GPM6A: variants seen among roughly 807,000 people sequenced by gnomAD.
The protein encoded by GPM6A is neuronal membrane glycoprotein M6-a.
In GPM6A, 7 loss-of-function variants were observed where a neutral mutation model predicts 32.1. The observed-to-expected ratio is 0.22, with a 90% CI of 0.12 to 0.41. The LOEUF is 0.41. Among genes scored for constraint, GPM6A ranks in the 10% least tolerant of loss-of-function variants. GPM6A has a pLI of 1.00. For synonymous variants in GPM6A, 130 were observed against 123.4 expected (o/e 1.05, Z -0.35); for missense variants, 235 against 347.2 (o/e 0.68, Z 2.57).
intron 1 of GPM6A, among the ~76,000 whole-genome samples, chr4:175,840,436 G>C (rs1735899209): frequency 6.6e-6 from 1 of 152,186 alleles, no homozygotes; most frequent in East Asian, 1.9e-4. Flanking sequence ...CCAGCACTTT[G>C]GGAGACCGAG....
intron 1 of GPM6A, among the ~76,000 whole-genome samples, chr4:175,901,449 G>T (rs1737963511): frequency 6.6e-6 from 1 of 151,352 alleles, no homozygotes; most frequent in Non-Finnish European, 1.5e-5. Flanking sequence ...ATTAAAAATA[G>T]AAAAATTAAA....
chr4:175,792,919 C>T (rs1432104021), intron 1 of GPM6A, among the ~76,000 whole-genome samples: 2 of 152,128 alleles, frequency 1.3e-5, no homozygotes, highest in Non-Finnish European at 2.9e-5. Flanking sequence ...TGACGCATGC[C>T]TGTAATCCCA....
chr4:175,818,601 C>A (rs534526004), intron 1 of GPM6A, among the ~76,000 whole-genome samples: 1 of 152,312 alleles, frequency 6.6e-6, no homozygotes, highest in South Asian at 2.1e-4. Context: ...TGCATGCATG[C>A]ATGCATGAAT....
chr4:175,913,380 G>A (rs1448406722), intron 1 of GPM6A, among the ~76,000 whole-genome samples: 1 of 152,180 alleles, frequency 6.6e-6, no homozygotes, highest in African/African-American at 2.4e-5. Context: ...ATACACATAA[G>A]GTCATGTACT....
At chr4:175,889,136 C>T (rs913068738) in intron 1 of GPM6A, among the ~76,000 whole-genome samples, 1 of 152,002 alleles carries the variant, frequency 6.6e-6, no homozygotes, top group Non-Finnish European at 1.5e-5. Context: ...AACACATACA[C>T]AAAATTAGAT....
intron 1 of GPM6A, among the ~76,000 whole-genome samples, chr4:175,798,235 C>A (rs1206946578): frequency 6.6e-6 from 1 of 152,204 alleles, no homozygotes; most frequent in Non-Finnish European, 1.5e-5. Flanking sequence ...TTATAACGAT[C>A]TAACCCATAA....
chr4:175,650,339 C>G (rs1741729540), intron 4 of GPM6A, among the ~76,000 whole-genome samples: 1 of 151,456 alleles, frequency 6.6e-6, no homozygotes, highest in Non-Finnish European at 1.5e-5. Context: ...GAGTCTCACT[C>G]TGTTGCCCAG....
chr4:175,778,085 G>A (rs145844650), intron 1 of GPM6A, among the ~76,000 whole-genome samples: 27 of 152,050 alleles, frequency 1.8e-4, no homozygotes, highest in East Asian at 1.2e-3. Context: ...TCCCAACTCC[G>A]ACTCTCTACA....
intron 6 of GPM6A, among the ~76,000 whole-genome samples, chr4:175,637,664 TAA>T (rs1560842622): frequency 0.023 from 12 of 532 alleles, no homozygotes; most frequent in East Asian, 0.083. Context: ...ATAAAATATA[TAA>T]TATATATAAT....
chr4:175,744,423 A>G (rs1234275720), intron 1 of GPM6A, among the ~76,000 whole-genome samples: 1 of 152,106 alleles, frequency 6.6e-6, no homozygotes, highest in African/African-American at 2.4e-5. Context: ...CTACAAGTCG[A>G]TGATCTAAGC....
intron 1 of GPM6A, chr4:175,891,772 G>C (rs1375823235): frequency 6.6e-6 from 1 of 152,178 alleles, no homozygotes; most frequent in Non-Finnish European, 1.5e-5. Flanking sequence ...GTAAAGTATT[G>C]AACCAAATTT....
At chr4:175,932,152 G>C (rs75262234) in intron 1 of GPM6A, among the ~76,000 whole-genome samples, 3,937 of 151,666 alleles carry the variant, frequency 0.026, 150 homozygotes, top group African/African-American at 0.087. Flanking sequence ...GGAATGATAA[G>C]TATGGAAGTA....
At position 175,903,870 on chromosome 4, in the gene GPM6A, G is replaced by A. The variant is rs149202619; in HGVS notation, c.-22-91621C>T. 1.5e-4 allele frequency among the ~76,000 whole-genome samples: 23 copies of A among 152,204 alleles called. No homozygotes were observed. The East Asian group carries it at 4.1e-3, about 27-fold the overall frequency. On this transcript the variant is annotated intron_variant, in intron 1 of 7. Coordinates refer to the GPM6A transcript ENST00000280187. ...AAAAATTGGGACAGCCAGCCAAAGC[G>A]AATATGGACCATGGATAACGTGATA...
At chr4:175,887,854 T>G (rs1474562070) in intron 1 of GPM6A, among the ~76,000 whole-genome samples, 1 of 151,900 alleles carries the variant, frequency 6.6e-6, no homozygotes, top group Non-Finnish European at 1.5e-5. Context: ...AGTTAAAAAT[T>G]TGCCCACTGA....
At chr4:175,810,679 C>T (rs1164803974) in intron 1 of GPM6A, among the ~76,000 whole-genome samples, 1 of 152,102 alleles carries the variant, frequency 6.6e-6, no homozygotes, top group Non-Finnish European at 1.5e-5. Context: ...ATTTAAAATG[C>T]TGTTTATCTT....
chr4:175,924,498 A>T (rs575026723), intron 1 of GPM6A, among the ~76,000 whole-genome samples: 1 of 152,234 alleles, frequency 6.6e-6, no homozygotes, highest in East Asian at 1.9e-4. Context: ...TGTATATGAA[A>T]TATATGAGGG....
chr4:175,922,764 ACT>A (rs1738709589), intron 1 of GPM6A, among the ~76,000 whole-genome samples: 1 of 152,026 alleles, frequency 6.6e-6, no homozygotes, highest in African/African-American at 2.4e-5. Flanking sequence ...ACATTATAAA[ACT>A]CTGACAAACT....
rs561970445 is a variant in GPM6A, at chr4:175,905,102, G to T, written c.-22-92853C>A. Among the ~76,000 whole-genome samples, 7 of 152,246 alleles carry T rather than the reference G, an allele frequency of 4.6e-5. No individual in the cohort carries two copies. In the South Asian group the frequency reaches 8.3e-4, roughly 18 times the overall value. On this transcript the variant is annotated intron_variant, in intron 1 of 7. Coordinates refer to the GPM6A transcript ENST00000280187. ...GGGATACACAGCATTTTAACATAGA[G>T]CAACAAACTGTGGAAGTGACAAGAT...
chr4:175,922,510 A>G (rs1738701220), intron 1 of GPM6A, among the ~76,000 whole-genome samples: 1 of 152,218 alleles, frequency 6.6e-6, no homozygotes, highest in South Asian at 2.1e-4. Flanking sequence ...CAAACTGGAA[A>G]GGTTCCCAAA....
Sources: gnomAD v4.1 joint callset for allele counts (sites outside exome capture counted in the v4.1 genomes callset) on GRCh38, gnomAD v4.1.1 for gene constraint, MANE v1.5 for transcripts, NCBI Gene and HGNC (gene_info 2026-07-23, HGNC 2026-07-21) for gene names.